Variants in SGCG observed in about 807,000 individuals in gnomAD.
SGCG encodes sarcoglycan gamma, also known as gamma-sarcoglycan.
In SGCG, 26 loss-of-function variants were observed where a neutral mutation model predicts 29.3. The observed-to-expected ratio is 0.89, with a 90% CI of 0.65 to 1.23. SGCG has a LOEUF of 1.23. Ranked by LOEUF, SGCG falls within the 50% of genes most tolerant of loss-of-function variation. The probability of loss-of-function intolerance (pLI) is 0.00; values close to 1 mark genes in which losing one functional copy is unlikely to be tolerated. For synonymous variants in SGCG, 145 were observed against 129.7 expected (o/e 1.12, Z -0.80); for missense variants, 353 against 356.0 (o/e 0.99, Z 0.07).
intron 1 of SGCG, among the ~76,000 whole-genome samples, chr13:23,186,007 A>G (rs1046378853): frequency 1.8e-4 from 28 of 152,192 alleles, no homozygotes; most frequent in African/African-American, 6.8e-4. Flanking sequence ...ACACTGAGGG[A>G]ATATTAATGG....
In SGCG at chr13:23,203,645, T is replaced by A. The variant is rs1877856642; in HGVS notation, c.1-50T>A. 5 of 1,429,172 alleles carry A rather than the reference T, an allele frequency of 3.5e-6. No individual in the cohort carries two copies. In the South Asian group the frequency reaches 4.8e-5, roughly 14 times the overall value. 88.5% of individuals were successfully genotyped at this position (1,429,172 alleles called of 1,614,324 possible). On this transcript the variant is annotated intron_variant, in intron 1 of 7. Transcript: ENST00000218867. ...AGTATTAAACAAGTTGCCTCCCTCA[T>A]TCCCTCTCTGTCTCTTTCTCTCTCC... is the stretch of plus-strand genomic sequence containing the variant.
chr13:23,199,009 G>A (rs961949571), intron 1 of SGCG, among the ~76,000 whole-genome samples: 15 of 151,964 alleles, frequency 9.9e-5, no homozygotes, highest in African/African-American at 3.1e-4. Context: ...TCAGGAGGCT[G>A]AGGCAGGAGA....
intron 5 of SGCG, among the ~76,000 whole-genome samples, chr13:23,285,801 T>G (rs1241210490): frequency 6.6e-6 from 1 of 152,172 alleles, no homozygotes; most frequent in Non-Finnish European, 1.5e-5. Flanking sequence ...GCATAGTGTC[T>G]GGGCTGAATA....
chr13:23,258,529 T>G (rs1186943130), intron 4 of SGCG, among the ~76,000 whole-genome samples: 1 of 152,200 alleles, frequency 6.6e-6, no homozygotes, highest in Non-Finnish European at 1.5e-5. Flanking sequence ...CCTCACTGAA[T>G]ACCCTTTATT....
At position 23,300,185 on chromosome 13, in the gene SGCG, T is replaced by C. The variant is rs143609680; in HGVS notation, c.578+4698T>C. ...TCTAAGGAAGATACACATATACTACTGTGTGGATGGAAACATTTGCACCTG... is the reference window on the plus strand; with the variant it reads ...TCTAAGGAAGATACACATATACTACCGTGTGGATGGAAACATTTGCACCTG... On this transcript the variant is annotated intron_variant, in intron 6 of 7. Coordinates refer to ENST00000218867, the MANE Select transcript of SGCG (RefSeq NM_000231.3). 6.1e-3 allele frequency among the ~76,000 whole-genome samples: 934 copies of C among 152,332 alleles called. 8 individuals carry two copies. Among genetic ancestry groups the C allele is most frequent in the Non-Finnish European group, 8.4e-3 (571 of 68,010 alleles).
rs1566044473 is a variant in SGCG at position 23,314,385 on chromosome 13, TATATA to T, written c.579-6251_579-6247del. On this transcript the variant is annotated intron_variant, in intron 6 of 7. Transcript: ENST00000218867. ...ATGAAATGATGTCTGCTATAGGTTA[TATATA>T]TATATATATATATATATAATCTTAT... Among the ~76,000 whole-genome samples the T allele has an allele frequency of 1.6e-4, 14 of 86,178 alleles. 1 individual carries two copies. Among genetic ancestry groups the T allele is most frequent in the African/African-American group, 3.7e-4 (11 of 29,712 alleles). 56.5% of individuals were successfully genotyped at this position (86,178 alleles called of 152,430 possible). A position where few individuals can be genotyped will look rare whatever the true frequency, so the allele number is the denominator to read the frequency against.
Position 23,292,258 on chromosome 13 carries a change from C to T in SGCG, c.506-3157C>T, listed in dbSNP as rs536196926. 4.9e-3 allele frequency among the ~76,000 whole-genome samples: 741 copies of T among 152,148 alleles called. 2 individuals carry two copies. Among genetic ancestry groups the T allele is most frequent in the Non-Finnish European group, 8.3e-3 (562 of 67,994 alleles). On this transcript the variant is annotated intron_variant, in intron 5 of 7. Coordinates refer to ENST00000218867, the MANE Select transcript of SGCG (RefSeq NM_000231.3). ...CAGAATAGCTGGGATTACAGGCGTG[C>T]GCCACCACACCTGGCTAATTTTTGT... is the stretch of plus-strand genomic sequence containing the variant.
the SGCG span, among the ~76,000 whole-genome samples, chr13:23,174,993 C>G: frequency 1.3e-5 from 2 of 152,148 alleles, no homozygotes; most frequent in African/African-American, 4.8e-5. Flanking sequence ...GCCGCAGCAA[C>G]AGTGCACTCA....
intron 2 of SGCG, among the ~76,000 whole-genome samples, chr13:23,218,775 A>G (rs1394215767): frequency 6.6e-6 from 1 of 151,958 alleles, no homozygotes; most frequent in Admixed American, 6.6e-5. Flanking sequence ...AGGCATTTGA[A>G]TGATGGTTGA....
In SGCG at chr13:23,322,012, T is replaced by C. The variant is rs889221172; in HGVS notation, c.702+1252T>C. Among the ~76,000 whole-genome samples, 4 of 152,308 alleles carry C rather than the reference T, an allele frequency of 2.6e-5. No homozygotes were observed. In the South Asian group the frequency reaches 8.3e-4, roughly 32 times the overall value. On this transcript the variant is annotated intron_variant, in intron 7 of 7. Coordinates refer to ENST00000218867, the MANE Select transcript of SGCG (RefSeq NM_000231.3). ...AAAACCAAGGATTTGGTTTATAAGC[T>C]CATTCCAATTGTATGATGCCATATT...
At position 23,324,572 on chromosome 13, in the gene SGCG, G is replaced by A. The variant is rs1400605653; in HGVS notation, c.*31G>A. Reference sequence around the variant, plus strand: ...CTGCGTCCTCTCGGTGAGCTGTGCAGTGCCGGCCCCAGATCCTCACACCCA... The same window carrying A: ...CTGCGTCCTCTCGGTGAGCTGTGCAATGCCGGCCCCAGATCCTCACACCCA... On this transcript the variant is annotated 3_prime_UTR_variant, in exon 8 of 8. Transcript: ENST00000218867. The A allele has an allele frequency of 3.1e-6, 5 of 1,593,864 alleles. No homozygotes were observed. In the African/African-American group the frequency reaches 6.7e-5, roughly 21 times the overall value.
intron 5 of SGCG, among the ~76,000 whole-genome samples, chr13:23,294,829 AG>A (rs1593094884): frequency 6.6e-6 from 1 of 152,224 alleles, no homozygotes; most frequent in African/African-American, 2.4e-5. Flanking sequence ...TAAACAAGTT[AG>A]GATACATCAA....
the SGCG span, among the ~76,000 whole-genome samples, chr13:23,164,848 T>C: frequency 6.6e-6 from 1 of 152,118 alleles, no homozygotes; most frequent in African/African-American, 2.4e-5. Flanking sequence ...GGCACTCAGG[T>C]GGAAGCTGAT....
intron 6 of SGCG, among the ~76,000 whole-genome samples, chr13:23,309,573 CTG>C (rs2137505917): frequency 6.6e-6 from 1 of 152,324 alleles, no homozygotes; most frequent in Admixed American, 6.5e-5. Context: ...CGATGGACAT[CTG>C]TGTTTACTTC....
At chr13:23,263,939 A>G (rs947210851) in intron 4 of SGCG, among the ~76,000 whole-genome samples, 1 of 152,200 alleles carries the variant, frequency 6.6e-6, no homozygotes, top group African/African-American at 2.4e-5. Context: ...AAATAATAGA[A>G]GCCATATATG....
chr13:23,317,194 C>CAAAAA (rs59885682), intron 6 of SGCG, among the ~76,000 whole-genome samples: 1 of 147,318 alleles, frequency 6.8e-6, no homozygotes, highest in Non-Finnish European at 1.5e-5. Flanking sequence ...GACTCCGTCT[C>CAAAAA]AAAAAAAAAA....
chr13:23,319,852 C>G lies in SGCG; in HGVS notation c.579-785C>G, dbSNP rs115972664. 6.3e-3 allele frequency among the ~76,000 whole-genome samples: 963 copies of G among 152,276 alleles called. 8 individuals are homozygous for G. Among genetic ancestry groups the G allele is most frequent in the African/African-American group, 0.022 (909 of 41,554 alleles). ...TGGTGGAAATACAGCCTTTTCCAGG[C>G]AGAGGCAAGTAAGAGAATTCCTCTG... On this transcript the variant is annotated intron_variant, in intron 6 of 7. Coordinates refer to ENST00000218867, the MANE Select transcript of SGCG (RefSeq NM_000231.3).
chr13:23,188,822 G>A (rs1877117968), intron 1 of SGCG, among the ~76,000 whole-genome samples: 3 of 152,172 alleles, frequency 2.0e-5, no homozygotes, highest in Admixed American at 1.3e-4. Context: ...ATAAATGGGA[G>A]GAAGATGCCT....
At chr13:23,164,286 A>G in the SGCG span, among the ~76,000 whole-genome samples, 1 of 152,200 alleles carries the variant, frequency 6.6e-6, no homozygotes, top group East Asian at 1.9e-4. Flanking sequence ...ATATCATTGT[A>G]CCATTACCTC....
Sources: gnomAD v4.1 joint callset for allele counts (sites outside exome capture counted in the v4.1 genomes callset) on GRCh38, gnomAD v4.1.1 for gene constraint, MANE v1.5 for transcripts, NCBI Gene and HGNC (gene_info 2026-07-23, HGNC 2026-07-21) for gene names.